Variants in ARFIP1 observed in about 807,000 individuals in gnomAD.
ARFIP1 encodes the protein ARF interacting protein 1.
Under a neutral mutation model 42.5 loss-of-function variants are expected in ARFIP1, and 24 were observed. The observed-to-expected ratio is 0.57, with a 90% CI of 0.41 to 0.80. The LOEUF (loss-of-function observed/expected upper bound fraction) is 0.80, where lower values mean the gene tolerates loss of function less well. Among genes scored for constraint, ARFIP1 ranks in the 30% least tolerant of loss-of-function variants. ARFIP1 has a pLI of 0.00. For missense variants in ARFIP1, 354 were observed against 434.0 expected (o/e 0.82, Z 1.64); for synonymous variants, 141 against 153.7 (o/e 0.92, Z 0.61).
intron 1 of ARFIP1, among the ~76,000 whole-genome samples, chr4:152,824,291 C>T (rs139176726): frequency 0.016 from 2,398 of 148,756 alleles, 60 homozygotes; most frequent in African/African-American, 0.057. Flanking sequence ...CCAGCCTGGG[C>T]GACAGAGCAA....
At chr4:152,909,155 C>G (rs896361499) in intron 8 of ARFIP1, among the ~76,000 whole-genome samples, 1 of 152,138 alleles carries the variant, frequency 6.6e-6, no homozygotes, top group Non-Finnish European at 1.5e-5. Flanking sequence ...GAGGCTGAGG[C>G]AGGCAGATCA....
intron 1 of ARFIP1, among the ~76,000 whole-genome samples, chr4:152,817,080 C>T (rs1729953366): frequency 6.6e-6 from 1 of 152,144 alleles, no homozygotes; most frequent in Non-Finnish European, 1.5e-5. Context: ...ATGCACATTG[C>T]CCACAATAGT....
Position 152,809,613 on chromosome 4 carries a change from A to G in ARFIP1, c.-9-20012A>G, listed in dbSNP as rs543473551. ...ACCCTTTAGGAATGAAGCACCAACT[A>G]TAAAATCTTTATTAGATATGTGTCA... On this transcript the variant is annotated intron_variant, in intron 1 of 8. Transcript: ENST00000353617. The G allele has an allele frequency of 4.6e-5, 7 of 152,340 alleles. No individual in the cohort carries two copies. In the East Asian group the frequency reaches 9.6e-4, roughly 21 times the overall value. The allele number at this position is 152,340 out of a possible 1,614,324, so 9.4% of individuals were successfully genotyped here.
chr4:152,849,007 TG>T (rs1732778625), intron 2 of ARFIP1, among the ~76,000 whole-genome samples: 1 of 152,232 alleles, frequency 6.6e-6, no homozygotes. Flanking sequence ...TTTAGAGGTA[TG>T]GCAAATGGTT....
At chr4:152,856,802 C>G (rs2149871523) in intron 2 of ARFIP1, among the ~76,000 whole-genome samples, 2 of 152,218 alleles carry the variant, frequency 1.3e-5, no homozygotes, top group Middle Eastern at 6.8e-3. Context: ...GAAAAGCTGT[C>G]AAGACTTAAG....
chr4:152,847,180 C>G (rs1240315411), intron 2 of ARFIP1, among the ~76,000 whole-genome samples: 1 of 130,608 alleles, frequency 7.7e-6, no homozygotes, highest in Non-Finnish European at 1.6e-5. Context: ...GCCCCCAGGC[C>G]GGAGTGCAAT....
intron 8 of ARFIP1, among the ~76,000 whole-genome samples, chr4:152,903,110 T>C (rs1561184751): frequency 6.6e-6 from 1 of 152,210 alleles, no homozygotes; most frequent in Non-Finnish European, 1.5e-5. Context: ...GGATTCTCTG[T>C]AGCATATCAG....
chr4:152,796,510 T>C (rs1731478980), intron 1 of ARFIP1: 1 of 747,496 alleles, frequency 1.3e-6, no homozygotes, highest in Admixed American at 2.0e-5. Flanking sequence ...TCATTCTCTT[T>C]TCGTTTCTGT....
At chr4:152,894,671 G>C (rs1737161660) in intron 8 of ARFIP1, among the ~76,000 whole-genome samples, 1 of 152,188 alleles carries the variant, frequency 6.6e-6, no homozygotes, top group Non-Finnish European at 1.5e-5. Flanking sequence ...CAAGCAACCA[G>C]GGAGTTCATA....
At chr4:152,797,047 C>T (rs1449223394) in intron 1 of ARFIP1, among the ~76,000 whole-genome samples, 1 of 152,018 alleles carries the variant, frequency 6.6e-6, no homozygotes, top group African/African-American at 2.4e-5. Context: ...TTCTCCTTTC[C>T]CTATACCAAC....
At position 152,804,268 on chromosome 4, in the gene ARFIP1, T is replaced by TATTA. The variant is rs1484226452; in HGVS notation, c.-10+24042_-10+24043insATTA. ...TATATAATATAACATGTATTATATA[T>TATTA]TATATATATAACATAACATGTATTA... On this transcript the variant is annotated intron_variant, in intron 1 of 8. Coordinates refer to ENST00000353617, the MANE Select transcript of ARFIP1 (RefSeq NM_001025595.3). Among the ~76,000 whole-genome samples the TATTA allele has an allele frequency of 3.4e-5, 2 of 58,516 alleles. 1 individual carries two copies. Among genetic ancestry groups the TATTA allele is most frequent in the African/African-American group, 1.8e-4 (2 of 11,070 alleles). 38.4% of individuals were successfully genotyped at this position (58,516 alleles called of 152,430 possible).
At chr4:152,857,117 ACT>A (rs1733507601) in intron 2 of ARFIP1, among the ~76,000 whole-genome samples, 1 of 152,158 alleles carries the variant, frequency 6.6e-6, no homozygotes, top group African/African-American at 2.4e-5. Context: ...TTTCTTTTTG[ACT>A]CTCTAAGTGT....
At chr4:152,876,976 T>C (rs1475441311) in intron 5 of ARFIP1, among the ~76,000 whole-genome samples, 5 of 151,992 alleles carry the variant, frequency 3.3e-5, no homozygotes, top group Non-Finnish European at 1.5e-5. Flanking sequence ...TCAGAAGAGA[T>C]ATGGAAATGC....
At chr4:152,885,796 TC>T (rs1361991208) in intron 7 of ARFIP1, among the ~76,000 whole-genome samples, 1 of 152,032 alleles carries the variant, frequency 6.6e-6, no homozygotes, top group African/African-American at 2.4e-5. Flanking sequence ...TCTACTTTTT[TC>T]TCTTTTATTT....
intron 8 of ARFIP1, among the ~76,000 whole-genome samples, chr4:152,908,261 ACCTTTTC>A (rs1478663346): frequency 1.3e-5 from 2 of 152,186 alleles, no homozygotes; most frequent in Non-Finnish European, 2.9e-5. Context: ...TAAAGCAGAT[ACCTTTTC>A]CCAGTATGTA....
intron 1 of ARFIP1, among the ~76,000 whole-genome samples, chr4:152,794,584 G>T (rs1316228171): frequency 6.6e-6 from 1 of 152,122 alleles, no homozygotes; most frequent in Non-Finnish European, 1.5e-5. Context: ...TAAGTATCTT[G>T]TTGGAGCTAC....
intron 8 of ARFIP1, among the ~76,000 whole-genome samples, chr4:152,900,682 C>T (rs544566089): frequency 6.6e-6 from 1 of 152,276 alleles, no homozygotes; most frequent in East Asian, 1.9e-4. Context: ...GGTATATTTT[C>T]TTGCCTCTTA....
At chr4:152,815,709 T>G (rs192351916) in intron 1 of ARFIP1, among the ~76,000 whole-genome samples, 287 of 151,432 alleles carry the variant, frequency 1.9e-3, no homozygotes, top group African/African-American at 6.6e-3. Context: ...TGTCTTTACC[T>G]TCAGAATATA....
At chr4:152,788,094 G>A (rs1306165138) in intron 1 of ARFIP1, among the ~76,000 whole-genome samples, 2 of 152,056 alleles carry the variant, frequency 1.3e-5, no homozygotes, top group Admixed American at 6.6e-5. Context: ...TTAGCTGGGC[G>A]TGGTGACCTG....
Sources: allele counts gnomAD v4.1 joint callset (sites outside exome capture counted in the v4.1 genomes callset), GRCh38; gene constraint gnomAD v4.1.1; transcripts MANE v1.5; gene names NCBI Gene and HGNC (gene_info 2026-07-23, HGNC 2026-07-21).